Variants in LTAP1 observed in about 807,000 individuals in gnomAD.
LTAP1 encodes the protein HCV NS5A-transactivated protein 4.
the LTAP1 span, among the ~76,000 whole-genome samples, chr1:154,217,444 T>C: frequency 2.0e-5 from 3 of 152,242 alleles, no homozygotes; most frequent in Admixed American, 1.3e-4. Context: ...TTTACAGTTC[T>C]GCCTGTTCTA....
chr1:154,216,901 G>A, the LTAP1 span, among the ~76,000 whole-genome samples: 57 of 151,708 alleles, frequency 3.8e-4, no homozygotes, highest in African/African-American at 1.3e-3. Context: ...AGCCTGCCTC[G>A]GCCTCCCAAA....
chr1:154,207,134 AG>A, the LTAP1 span: 3 of 252,086 alleles, frequency 1.2e-5, no homozygotes, highest in Admixed American at 5.1e-5. Flanking sequence ...GGAACAGGGA[AG>A]GTGAACTATG....
chr1:154,211,552 G>A, the LTAP1 span, among the ~76,000 whole-genome samples: 1 of 150,284 alleles, frequency 6.7e-6, no homozygotes, highest in Non-Finnish European at 1.5e-5. Context: ...GGCTAGGATG[G>A]TCTTGATCTC....
chr1:154,216,440 T>A, the LTAP1 span, among the ~76,000 whole-genome samples: 1 of 151,908 alleles, frequency 6.6e-6, no homozygotes, highest in Admixed American at 6.6e-5. Flanking sequence ...GCTCAGATGA[T>A]CCTCCTGCCT....
chr1:154,217,745 T>G, the LTAP1 span, among the ~76,000 whole-genome samples: 1 of 151,874 alleles, frequency 6.6e-6, no homozygotes, highest in Non-Finnish European at 1.5e-5. Flanking sequence ...TGACCTCAAG[T>G]GTTATCTGCC....
At chr1:154,214,585 A>T in the LTAP1 span, 1 of 1,546,428 alleles carries the variant, frequency 6.5e-7, no homozygotes. Flanking sequence ...CTGTTCACAT[A>T]AAAAAAGAAT....
chr1:154,219,789 C>G, the LTAP1 span: 1 of 1,375,906 alleles, frequency 7.3e-7, no homozygotes, highest in East Asian at 2.3e-5. Flanking sequence ...ATTCTTGACC[C>G]TAAAAGATCT....
the LTAP1 span, among the ~76,000 whole-genome samples, chr1:154,215,969 CT>C: frequency 6.6e-6 from 1 of 151,958 alleles, no homozygotes; most frequent in Non-Finnish European, 1.5e-5. Context: ...TCCCGAGTAG[CT>C]GGGACTACAG....
the LTAP1 span, chr1:154,206,963 A>T: frequency 6.3e-6 from 1 of 157,814 alleles, no homozygotes; most frequent in South Asian, 1.9e-4. Flanking sequence ...TTCCACATTC[A>T]CCAACTTCCC....
chr1:154,219,977 G>T, the LTAP1 span: 7 of 1,413,238 alleles, frequency 5.0e-6, no homozygotes, highest in African/African-American at 1.7e-5. Flanking sequence ...TAAAAAGTCA[G>T]TTTTGTTTTG....
chr1:154,210,376 T>C, the LTAP1 span, among the ~76,000 whole-genome samples: 2 of 152,208 alleles, frequency 1.3e-5, no homozygotes, highest in Non-Finnish European at 2.9e-5. Context: ...TAGCTCATTT[T>C]TAGGGACAGA....
At chr1:154,208,365 AGT>A in the LTAP1 span, 1 of 153,042 alleles carries the variant, frequency 6.5e-6, no homozygotes, top group African/African-American at 2.4e-5. Flanking sequence ...ACTGCACTCC[AGT>A]CTGGGCGACA....
At chr1:154,213,874 CCT>C in the LTAP1 span, 3 of 1,608,024 alleles carry the variant, frequency 1.9e-6, no homozygotes, top group Middle Eastern at 1.7e-4. Context: ...TAGAATGGAC[CCT>C]GTCAGGTAGC....
the LTAP1 span, chr1:154,214,373 A>C: frequency 2.3e-6 from 2 of 864,750 alleles, no homozygotes; most frequent in South Asian, 3.0e-5. Context: ...AGGCTTTGCC[A>C]GCAGCTTTTG....
At chr1:154,214,592 G>T in the LTAP1 span, 53 of 1,515,710 alleles carry the variant, frequency 3.5e-5, 1 homozygote, top group South Asian at 5.9e-4. Flanking sequence ...CATAAAAAAA[G>T]AATACACAAT....
the LTAP1 span, among the ~76,000 whole-genome samples, chr1:154,217,359 C>T: frequency 0.03 from 4,593 of 152,268 alleles, 221 homozygotes; most frequent in African/African-American, 0.1. Context: ...TTCACCACCA[C>T]GTCAATCAAA....
the LTAP1 span, chr1:154,211,758 C>T: frequency 2.0e-5 from 3 of 153,656 alleles, no homozygotes; most frequent in Admixed American, 6.4e-5. Flanking sequence ...CCAATTTTGA[C>T]ATTTTATTGG....
At chr1:154,212,685 G>T in the LTAP1 span, 1 of 1,585,902 alleles carries the variant, frequency 6.3e-7, no homozygotes, top group South Asian at 1.1e-5. Flanking sequence ...TTTTGAGATG[G>T]AGTCTCGCTC....
the LTAP1 span, among the ~76,000 whole-genome samples, chr1:154,209,254 A>G: frequency 6.6e-6 from 1 of 151,794 alleles, no homozygotes; most frequent in Non-Finnish European, 1.5e-5. Context: ...TGCAACCATC[A>G]TTCTACTTTC....
Sources: allele counts gnomAD v4.1 joint callset (sites outside exome capture counted in the v4.1 genomes callset), GRCh38; gene constraint gnomAD v4.1.1; transcripts MANE v1.5; gene names NCBI Gene and HGNC (gene_info 2026-07-23, HGNC 2026-07-21).